The following ATIC variants were observed in gnomAD, a reference collection of about 807,000 sequenced individuals.
The protein encoded by ATIC is bifunctional purine biosynthesis protein ATIC.
Under a neutral mutation model 72.5 loss-of-function variants are expected in ATIC, and 64 were observed. That is an observed-to-expected ratio of 0.88 (90% confidence interval 0.72 to 1.09). The LOEUF (loss-of-function observed/expected upper bound fraction) is 1.09, where lower values mean the gene tolerates loss of function less well. Among genes scored for constraint, ATIC ranks in the 50% least tolerant of loss-of-function variants. The pLI is 0.00. For missense variants in ATIC, 787 were observed against 732.4 expected (o/e 1.07, Z -0.86); for synonymous variants, 281 against 267.1 (o/e 1.05, Z -0.51).
chr2:215,319,764 A>G, intron 4 of ATIC, 33 bp downstream of exon 4: 1 of 1,524,504 alleles, frequency 6.6e-7, no homozygotes, highest in Non-Finnish European at 9.1e-7. Flanking sequence ...TTAACACATT[A>G]CGAACCAACG....
At chr2:215,326,502 C>T (rs987148858) in intron 6 of ATIC, among the ~76,000 whole-genome samples, 4 of 151,508 alleles carry the variant, frequency 2.6e-5, no homozygotes, top group Non-Finnish European at 5.9e-5. Context: ...CCCAGCTACT[C>T]GGGAGACTGA....
chr2:215,326,898 A>G lies in ATIC; in HGVS notation c.608A>G (p.Gln203Arg), dbSNP rs1190725980. ...FRKQYSKGVS[Q>R]MPLRYGMNPH... ...AAACAGTACAGCAAAGGCGTATCTC[A>G]GATGCCCTTGAGATATGGAATGAAC... Residue 203 changes from glutamine (Q) to arginine (R), a missense_variant, in exon 7 of 16, where the codon CAG (glutamine) becomes CGG (arginine). Transcript: ENST00000236959. The G allele has an allele frequency of 1.2e-6, 2 of 1,613,932 alleles. No individual in the cohort carries two copies. Among genetic ancestry groups the G allele is most frequent in the African/African-American group, 2.7e-5 (2 of 75,042 alleles).
chr2:215,346,581 C>A (rs2053072767), intron 13 of ATIC, among the ~76,000 whole-genome samples, 178 bp from the exon 14 acceptor site: 1 of 151,642 alleles, frequency 6.6e-6, no homozygotes, highest in Admixed American at 6.6e-5. Flanking sequence ...TAGTTATAAA[C>A]AAACCTCTTA....
Position 215,333,765 on chromosome 2 carries a change from G to A in ATIC, c.922+308G>A, listed in dbSNP as rs1559274540. ...AAAGTGTATGTTAGTATTTTAGGCC[G>A]GGCGCAATGTCTCACGCCTGTAGTA... On this transcript the variant is annotated intron_variant, in intron 9 of 15. Transcript: ENST00000236959. 2.0e-5 allele frequency among the ~76,000 whole-genome samples: 3 copies of A among 152,094 alleles called. No individual in the cohort carries two copies. In the South Asian group the frequency reaches 6.2e-4, roughly 32 times the overall value.
downstream of ATIC, among the ~76,000 whole-genome samples, chr2:215,350,501 T>C (rs914765472): frequency 6.6e-6 from 1 of 152,178 alleles, no homozygotes; most frequent in Non-Finnish European, 1.5e-5. Context: ...AAACAGCAGA[T>C]TGGCACCTGT....
In ATIC at chr2:215,341,260, C is replaced by G. The variant is rs563935197; in HGVS notation, c.1227+2353C>G. 2.0e-5 allele frequency among the ~76,000 whole-genome samples: 3 copies of G among 152,296 alleles called. No individual in the cohort carries two copies. The South Asian group carries it at 6.2e-4, about 32-fold the overall frequency. The stretch of plus-strand genomic sequence containing the variant: ...ATCTTTCAGCCCTTTGGAATCCACT[C>G]TGGTTGGTTCATGTACTTTGAAAAA... On this transcript the variant is annotated intron_variant, in intron 12 of 15. Coordinates refer to ENST00000236959, the MANE Select transcript of ATIC (RefSeq NM_004044.7).
At chr2:215,353,322 A>G (rs2053144707), downstream of ATIC, among the ~76,000 whole-genome samples, 1 of 151,906 alleles carries the variant, frequency 6.6e-6, no homozygotes. Flanking sequence ...TTTAACTCCC[A>G]GTTTCTCCCC....
chr2:215,332,529 A>G (rs772398085), intron 8 of ATIC, 22 bp downstream of exon 8: 2 of 1,613,926 alleles, frequency 1.2e-6, no homozygotes, highest in African/African-American at 1.3e-5. Flanking sequence ...TGCTCTGGAA[A>G]GCTCCAGAAT....
intron 6 of ATIC, 78 bp downstream of exon 6, chr2:215,326,216 T>C (rs1006788501): frequency 1.3e-6 from 2 of 1,565,160 alleles, no homozygotes; most frequent in African/African-American, 2.7e-5. Flanking sequence ...ATTCAGTTCT[T>C]GGTAGATTGC....
At chr2:215,362,008 G>A in the ATIC span, 1 of 1,614,032 alleles carries the variant, frequency 6.2e-7, no homozygotes, top group Admixed American at 1.7e-5. Flanking sequence ...AATACTGGTT[G>A]TAGGACTGGC....
At chr2:215,333,566 A>G (rs924387959) in intron 9 of ATIC, 109 bp downstream of exon 9, 7 of 745,956 alleles carry the variant, frequency 9.4e-6, no homozygotes, top group Admixed American at 5.9e-5. Context: ...TATTCTGTAT[A>G]ATATATAGAT....
At chr2:215,345,258 AT>A (rs2053059900) in intron 13 of ATIC, 1 of 308,650 alleles carries the variant, frequency 3.2e-6, no homozygotes, top group African/African-American at 2.2e-5. Flanking sequence ...CCTGCAGGGT[AT>A]TTTCACATTA....
At chr2:215,315,727 G>C (rs917332365) in intron 2 of ATIC, among the ~76,000 whole-genome samples, 1 of 152,132 alleles carries the variant, frequency 6.6e-6, no homozygotes, top group African/African-American at 2.4e-5. Flanking sequence ...GAGGCTGCTG[G>C]ATCATCTGAG....
At chr2:215,331,381 GTTTTT>G (rs66928848) in intron 7 of ATIC, among the ~76,000 whole-genome samples, 1 of 117,518 alleles carries the variant, frequency 8.5e-6, no homozygotes, top group Non-Finnish European at 1.7e-5. Flanking sequence ...TGTTTTTTGG[GTTTTT>G]TTTTTTTTTT....
chr2:215,354,188 C>A (rs1248434953), downstream of ATIC, among the ~76,000 whole-genome samples: 1 of 151,844 alleles, frequency 6.6e-6, no homozygotes, highest in African/African-American at 2.4e-5. Flanking sequence ...ACCACCACAC[C>A]CGGCCAATTT....
At chr2:215,349,945 A>G (rs2053117047), downstream of ATIC, among the ~76,000 whole-genome samples, 1 of 152,178 alleles carries the variant, frequency 6.6e-6, no homozygotes, top group Non-Finnish European at 1.5e-5. Flanking sequence ...CTGAGCAGCC[A>G]GAGGACATGG....
chr2:215,312,762 T>A, intron 2 of ATIC, 138 bp downstream of exon 2: 1 of 1,348,294 alleles, frequency 7.4e-7, no homozygotes, highest in Non-Finnish European at 1.0e-6. Flanking sequence ...TTCCCCACTT[T>A]ATGGGGAAAA....
chr2:215,333,300 G>A (rs767144865), intron 8 of ATIC, 50 bp from the exon 9 acceptor site: 2 of 1,495,730 alleles, frequency 1.3e-6, no homozygotes, highest in East Asian at 2.3e-5. Context: ...GGAGTTGACA[G>A]GTAGTAACTT....
intron 7 of ATIC, among the ~76,000 whole-genome samples, chr2:215,331,947 T>G (rs1449814339): frequency 2.6e-5 from 4 of 152,198 alleles, no homozygotes; most frequent in African/African-American, 7.2e-5. Context: ...GTAATATAAT[T>G]TCTTACATCG....
Sources: allele counts gnomAD v4.1 joint callset (sites outside exome capture counted in the v4.1 genomes callset), GRCh38; gene constraint gnomAD v4.1.1; transcripts MANE v1.5; gene names NCBI Gene and HGNC (gene_info 2026-07-23, HGNC 2026-07-21).